LYSMD4: variants seen among roughly 807,000 people sequenced by gnomAD.
The protein encoded by LYSMD4 is LysM domain containing 4.
LYSMD4 carries 9 observed loss-of-function variants against 6.1 expected under a neutral mutation model. The observed-to-expected ratio is 1.47, with a 90% CI of 0.88 to 2.56. LYSMD4 has a LOEUF of 2.56. Among genes scored for constraint, LYSMD4 ranks in the 30% most tolerant of loss-of-function variants. The pLI is 0.00. For missense variants in LYSMD4, 384 were observed against 373.5 expected, an observed-to-expected ratio of 1.03 and a Z score of -0.23; for synonymous variants, 143 against 148.5, an observed-to-expected ratio of 0.96 and a Z score of 0.27.
intron 1 of LYSMD4, 50 bp from the exon 2 acceptor site, chr15:99,732,057 C>T: frequency 3.4e-6 from 5 of 1,490,646 alleles, no homozygotes; most frequent in Non-Finnish European, 4.5e-6. Flanking sequence ...AATCATCCCT[C>T]CACCGCCTCG....
downstream of LYSMD4, among the ~76,000 whole-genome samples, chr15:99,722,568 G>C (rs2059245265): frequency 6.6e-6 from 1 of 152,192 alleles, no homozygotes; most frequent in Non-Finnish European, 1.5e-5. Context: ...CAGATGGAGG[G>C]AGAGATCAAC....
exon 1 of LYSMD4, chr15:99,717,283 T>C (rs2059194260): frequency 6.6e-6 from 1 of 152,418 alleles, no homozygotes; most frequent in Non-Finnish European, 1.5e-5. Flanking sequence ...CATTACATTT[T>C]CCTGCTTGGC....
rs1372924060 is a variant in LYSMD4, at chr15:99,729,386, C to T, written c.628G>A (p.Asp210Asn). ...LLPAPPKTPM[D>N]GADCGIQWWN... is the part of the protein sequence containing the mutation. ...CACTGAATGCCACAATCTGCACCAT[C>T]CATAGGCGTCTTCGGAGGTGCCGGG... The change falls in exon 3 of 3, where the codon GAT (aspartate) becomes AAT (asparagine). Residue 210 changes from aspartate to asparagine, a missense_variant. Transcript: ENST00000684762. The T allele has an allele frequency of 6.2e-7, 1 of 1,614,106 alleles. No individual in the cohort carries two copies. The highest frequency in any genetic ancestry group is 8.5e-7 in the Non-Finnish European group (1 of 1,180,046).
chr15:99,717,012 G>C (rs774405607), exon 1 of LYSMD4: 2 of 221,002 alleles, frequency 9.0e-6, no homozygotes, highest in Non-Finnish European at 1.9e-5. Flanking sequence ...GTACGTCCCA[G>C]TATGCTGGCA....
In LYSMD4 at chr15:99,733,391, C is replaced by CGGCGACT. The variant is rs2059474551; in HGVS notation, c.-56_-55insAGTCGCC. On this transcript the variant is annotated 5_prime_UTR_variant, in exon 1 of 3. Coordinates refer to ENST00000684762, the MANE Select transcript of LYSMD4 (RefSeq NM_001284417.2). ...CGACCGGCGACCGGCGACTCGCGAC[C>CGGCGACT]CGCGACCCGCGACCCGCAGCTGCCA... 7 of 394,406 alleles carry CGGCGACT rather than the reference C, an allele frequency of 1.8e-5. No individual in the cohort carries two copies. Among genetic ancestry groups the CGGCGACT allele is most frequent in the African/African-American group, 4.1e-5 (2 of 48,336 alleles). The allele number at this position is 394,406 out of a possible 1,614,324, so 24.4% of individuals were successfully genotyped here. A position where few individuals can be genotyped will look rare whatever the true frequency, so the allele number is the denominator to read the frequency against.
At chr15:99,717,969 C>T (rs1047115728), upstream of LYSMD4, 1 of 152,212 alleles carries the variant, frequency 6.6e-6, no homozygotes, top group African/African-American at 2.4e-5. Context: ...TATCCCTCAG[C>T]GGGCTTTCCC....
chr15:99,721,164 T>C (rs2059234616), upstream of LYSMD4, among the ~76,000 whole-genome samples: 1 of 152,166 alleles, frequency 6.6e-6, no homozygotes, highest in Non-Finnish European at 1.5e-5. Context: ...TGGGGAAGCA[T>C]TGACCTGCAG....
chr15:99,716,228 A>G (rs2059139601), exon 1 of LYSMD4: 1 of 240,030 alleles, frequency 4.2e-6, no homozygotes, highest in African/African-American at 2.2e-5. Context: ...TGTAGTCAAC[A>G]GTTCACACAA....
chr15:99,729,147 A>G lies in LYSMD4; in HGVS notation c.867T>C (p.Ser289=). The G allele has an allele frequency of 2.5e-6, 4 of 1,613,830 alleles. No individual in the cohort carries two copies. Among genetic ancestry groups the G allele is most frequent in the Non-Finnish European group, 3.4e-6 (4 of 1,179,702 alleles). The change falls in exon 3 of 3, where the codon AGT becomes AGC. Residue 289 remains serine (S), a synonymous_variant. Transcript: ENST00000684762. ...CTTAGCTCCCCGCTTGGGTGGTCTG[A>G]CTGAACTGGCTGTCTGCAGAAGTGA... The part of the protein sequence containing the change: ...PAVTSADSQF[S]QTTQAGS
At chr15:99,720,335 C>T (rs574813653), upstream of LYSMD4, among the ~76,000 whole-genome samples, 2 of 152,232 alleles carry the variant, frequency 1.3e-5, no homozygotes, top group South Asian at 2.1e-4. Context: ...CAAAGGCTCT[C>T]TATGGCCAGG....
exon 1 of LYSMD4, chr15:99,716,557 C>T: frequency 2.2e-6 from 1 of 456,798 alleles, no homozygotes; most frequent in Non-Finnish European, 4.4e-6. Context: ...GCCCCTTCCC[C>T]TAAAGCCCTC....
rs191733284 is a variant in LYSMD4 at position 99,733,129 on chromosome 15, G to A, written c.-9+216C>T. ...CCACGGGCGGGGCCCTAACATTCCA[G>A]AGGGCAGAACCTCTGACCTCTGACC... On this transcript the variant is annotated intron_variant, in intron 1 of 2. Coordinates refer to ENST00000684762, the MANE Select transcript of LYSMD4 (RefSeq NM_001284417.2). The A allele has an allele frequency of 3.2e-3, 1,180 of 367,644 alleles. 17 individuals carry two copies. The highest frequency in any genetic ancestry group is 0.022 in the African/African-American group (1,061 of 47,462). The allele number at this position is 367,644 out of a possible 1,614,324, so 22.8% of individuals were successfully genotyped here. A position where few individuals can be genotyped will look rare whatever the true frequency, so the allele number is the denominator to read the frequency against.
chr15:99,730,857 C>T (rs1277462430), intron 2 of LYSMD4, among the ~76,000 whole-genome samples: 1 of 152,206 alleles, frequency 6.6e-6, no homozygotes, highest in Non-Finnish European at 1.5e-5. Flanking sequence ...AGCCCATGTT[C>T]TGTAAGCCAC....
At chr15:99,730,860 T>C (rs1346780872) in intron 2 of LYSMD4, among the ~76,000 whole-genome samples, 1 of 152,206 alleles carries the variant, frequency 6.6e-6, no homozygotes, top group Non-Finnish European at 1.5e-5. Context: ...CCATGTTCTG[T>C]AAGCCACACA....
At chr15:99,724,723 G>A (rs915774630), downstream of LYSMD4, among the ~76,000 whole-genome samples, 2 of 152,226 alleles carry the variant, frequency 1.3e-5, no homozygotes, top group African/African-American at 2.4e-5. Context: ...GTGAAATGGT[G>A]ATGTACAACA....
At chr15:99,723,022 C>T (rs929538829), downstream of LYSMD4, among the ~76,000 whole-genome samples, 10 of 151,778 alleles carry the variant, frequency 6.6e-5, no homozygotes, top group African/African-American at 1.4e-4. Context: ...CAGAGCAAGA[C>T]TCTGTTTTGT....
At chr15:99,718,991 C>T (rs982969675), upstream of LYSMD4, among the ~76,000 whole-genome samples, 1 of 152,294 alleles carries the variant, frequency 6.6e-6, no homozygotes, top group Admixed American at 6.5e-5. Context: ...ATGGTTTACG[C>T]GAATGCTTTG....
chr15:99,716,292 T>G, exon 1 of LYSMD4: 1 of 346,264 alleles, frequency 2.9e-6, no homozygotes, highest in Admixed American at 3.8e-5. Context: ...AAGCTGGACT[T>G]TGTTGCCATC....
upstream of LYSMD4, among the ~76,000 whole-genome samples, chr15:99,718,077 A>AT: frequency 6.6e-6 from 1 of 152,036 alleles, no homozygotes; most frequent in Non-Finnish European, 1.5e-5. Context: ...GAATCTCCCC[A>AT]TTTTTTCCAC....
Sources: gnomAD v4.1 joint callset for allele counts (sites outside exome capture counted in the v4.1 genomes callset) on GRCh38, gnomAD v4.1.1 for gene constraint, MANE v1.5 for transcripts, NCBI Gene and HGNC (gene_info 2026-07-23, HGNC 2026-07-21) for gene names.